The following PPP2R3B variants were observed in gnomAD, a reference collection of about 807,000 sequenced individuals.
The protein encoded by PPP2R3B is protein phosphatase 2 regulatory subunit B''beta, also known as serine/threonine-protein phosphatase 2A regulatory subunit B'' subunit beta.
In PPP2R3B, 68 loss-of-function variants were observed where a neutral mutation model predicts 72.9. The ratio of observed to expected loss-of-function variants is 0.93; its 90% CI spans 0.77 to 1.14. The LOEUF (loss-of-function observed/expected upper bound fraction) is 1.14, where lower values mean the gene tolerates loss of function less well. Among genes scored for constraint, PPP2R3B ranks in the 50% most tolerant of loss-of-function variants. The pLI is 0.00. For synonymous variants in PPP2R3B, 466 were observed against 375.8 expected (o/e 1.24, Z -2.78); for missense variants, 1,018 against 842.0 (o/e 1.21, Z -2.59).
chrX:369,315 G>A (rs1185342220), intron 1 of PPP2R3B, among the ~76,000 whole-genome samples: 3 of 152,142 alleles, frequency 2.0e-5, no homozygotes, highest in African/African-American at 4.8e-5. Context: ...TCCTCAGTAC[G>A]TGTACTTTAA....
intron 5 of PPP2R3B, 73 bp downstream of exon 5, chrX:346,613 CGCCCCGTCCGCAGAA>C (rs2071220331): frequency 7.6e-7 from 1 of 1,312,972 alleles, no homozygotes; most frequent in Admixed American, 2.2e-5. Flanking sequence ...GGGCCCCGCC[CGCCCCGTCCGCAGAA>C]GCCCCGCGGC....
At chrX:376,289 G>A (rs1428336210) in intron 1 of PPP2R3B, among the ~76,000 whole-genome samples, 6 of 92,482 alleles carry the variant, frequency 6.5e-5, no homozygotes, top group African/African-American at 1.8e-4. Flanking sequence ...TGGAGCCCTC[G>A]AACCACCTCT....
chrX:334,351 G>C lies in PPP2R3B; in HGVS notation c.*16C>G, dbSNP rs372823307. The stretch of plus-strand genomic sequence containing the variant: ...ACGTGGGGAGCGGCCCCGCGGCGGC[G>C]TTCTCGCGGGCGGCGTCACAGCGGC... On this transcript the variant is annotated 3_prime_UTR_variant, in exon 13 of 13. Coordinates refer to ENST00000390665, the MANE Select transcript of PPP2R3B (RefSeq NM_013239.5). The C allele has an allele frequency of 2.7e-6, 4 of 1,464,182 alleles. No homozygotes were observed. Among genetic ancestry groups the C allele is most frequent in the South Asian group, 1.3e-5 (1 of 74,880 alleles). The allele number at this position is 1,464,182 out of a possible 1,614,324, so 90.7% of individuals were successfully genotyped here.
Position 384,916 on chromosome X carries a change from C to T in PPP2R3B, c.324+1452G>A, listed in dbSNP as rs764363591. Among the ~76,000 whole-genome samples the T allele has an allele frequency of 4.1e-3, 523 of 128,218 alleles. 5 individuals are homozygous for T. Among genetic ancestry groups the T allele is most frequent in the African/African-American group, 0.015 (490 of 33,494 alleles). 84.1% of individuals were successfully genotyped at this position (128,218 alleles called of 152,430 possible). A position where few individuals can be genotyped will look rare whatever the true frequency, so the allele number is the denominator to read the frequency against. ...AGGAGAATCGCTTGAACCCGGGAGG[C>T]GGAGGTTGCAGTGAGCTGAGATTGC... On this transcript the variant is annotated intron_variant, in intron 1 of 12. Transcript: ENST00000390665.
chrX:341,655 G>C, intron 8 of PPP2R3B: 1 of 651,324 alleles, frequency 1.5e-6, no homozygotes, highest in Non-Finnish European at 2.7e-6. Context: ...AAGAACCCCC[G>C]ACCTGGGGCC....
At chrX:350,839 C>T (rs747480256) in intron 2 of PPP2R3B, among the ~76,000 whole-genome samples, 1 of 152,316 alleles carries the variant, frequency 6.6e-6, no homozygotes, top group East Asian at 1.9e-4. Flanking sequence ...ATCTGTCCTC[C>T]CAGAAGCACA....
At position 383,024 on chromosome X, in the gene PPP2R3B, A is replaced by G. The variant is rs747250595; in HGVS notation, c.324+3344T>C. ...TAAGGTGCTTCAGGTTTTGCAGCTCACTGGGAAAGTGCACTGGGCCGGAGC... is the reference window on the plus strand; with the variant it reads ...TAAGGTGCTTCAGGTTTTGCAGCTCGCTGGGAAAGTGCACTGGGCCGGAGC... On this transcript the variant is annotated intron_variant, in intron 1 of 12. Transcript: ENST00000390665. Among the ~76,000 whole-genome samples the G allele has an allele frequency of 6.6e-5, 10 of 152,242 alleles. No homozygotes were observed. The East Asian group carries it at 1.7e-3, about 26-fold the overall frequency.
At position 381,593 on chromosome X, in the gene PPP2R3B, C is replaced by CTTTTTT. The variant is rs950950107; in HGVS notation, c.324+4769_324+4774dup. On this transcript the variant is annotated intron_variant, in intron 1 of 12. Coordinates refer to ENST00000390665, the MANE Select transcript of PPP2R3B (RefSeq NM_013239.5). Reference sequence around the variant, plus strand: ...ATGGGATGGACAGGAACAAGCTCATCTTTTTTTTTTTTTTTTTTTTTTTGA... The same window carrying CTTTTTT: ...ATGGGATGGACAGGAACAAGCTCATCTTTTTTTTTTTTTTTTTTTTTTTTTTTTTGA... Among the ~76,000 whole-genome samples the CTTTTTT allele has an allele frequency of 5.9e-3, 563 of 95,054 alleles. 20 individuals carry two copies. The highest frequency in any genetic ancestry group is 0.023 in the African/African-American group (539 of 23,490). The allele number at this position is 95,054 out of a possible 152,430, so 62.4% of individuals were successfully genotyped here.
chrX:363,382 G>GCATCTCCCCAAGCCCGCAATCCCACAA lies in PPP2R3B; in HGVS notation c.325-1793_325-1792insTTGTGGGATTGCGGGCTTGGGGAGATG, dbSNP rs1569403703. ...ATCTCTCCGAGCCCACCATCCCACA[G>GCATCTCCCCAAGCCCGCAATCCCACAA]TGCATCTCCCCGAGCCCGCAATCCC... On this transcript the variant is annotated intron_variant, in intron 1 of 12. Transcript: ENST00000390665. Among the ~76,000 whole-genome samples, 22 of 3,246 alleles carry GCATCTCCCCAAGCCCGCAATCCCACAA rather than the reference G, an allele frequency of 6.8e-3. 2 individuals carry two copies. The highest frequency in any genetic ancestry group is 0.01 in the African/African-American group (19 of 1,898). The allele number at this position is 3,246 out of a possible 152,430, so 2.1% of individuals were successfully genotyped here.
At chrX:352,389 C>T (rs984321325) in intron 2 of PPP2R3B, among the ~76,000 whole-genome samples, 24 of 152,366 alleles carry the variant, frequency 1.6e-4, no homozygotes, top group Admixed American at 2.6e-4. Flanking sequence ...GCTACGGCGA[C>T]GGCCCCCAGG....
intron 2 of PPP2R3B, among the ~76,000 whole-genome samples, chrX:358,143 C>T (rs2071472425): frequency 6.6e-6 from 1 of 152,222 alleles, no homozygotes; most frequent in Admixed American, 6.5e-5. Flanking sequence ...ACTCGTTCGT[C>T]CCCTGGGCCG....
intron 2 of PPP2R3B, among the ~76,000 whole-genome samples, chrX:356,609 A>T (rs1350785481): frequency 6.6e-6 from 1 of 152,194 alleles, no homozygotes; most frequent in Non-Finnish European, 1.5e-5. Context: ...CCTCAGGAAA[A>T]TGCAAGCATG....
At chrX:352,939 G>A (rs998994264) in intron 2 of PPP2R3B, among the ~76,000 whole-genome samples, 1 of 151,414 alleles carries the variant, frequency 6.6e-6, no homozygotes, top group Non-Finnish European at 1.5e-5. Flanking sequence ...GTGGCTCGGA[G>A]CCCCCACCCA....
rs149703434 is a variant in PPP2R3B, at chrX:363,739, G to A, written c.325-2149C>T. Among the ~76,000 whole-genome samples, 280 of 128,380 alleles carry A rather than the reference G, an allele frequency of 2.2e-3. 2 individuals carry two copies. The East Asian group carries it at 0.057, about 26-fold the overall frequency. The allele number at this position is 128,380 out of a possible 152,430, so 84.2% of individuals were successfully genotyped here. A position where few individuals can be genotyped will look rare whatever the true frequency, so the allele number is the denominator to read the frequency against. On this transcript the variant is annotated intron_variant, in intron 1 of 12. Transcript: ENST00000390665. ...GCCCACAACGCATTCCCGCAGCGGCGCCTTCCCGTCTCTCGCTGTGGGGGT... is the reference window on the plus strand; with the variant it reads ...GCCCACAACGCATTCCCGCAGCGGCACCTTCCCGTCTCTCGCTGTGGGGGT...
intron 1 of PPP2R3B, among the ~76,000 whole-genome samples, chrX:383,466 G>C (rs376209299): frequency 6.6e-6 from 1 of 152,226 alleles, no homozygotes; most frequent in African/African-American, 2.4e-5. Flanking sequence ...CCAGCCATAC[G>C]TGTTTCTATA....
At chrX:367,984 C>G (rs1051117790) in intron 1 of PPP2R3B, among the ~76,000 whole-genome samples, 7 of 152,252 alleles carry the variant, frequency 4.6e-5, no homozygotes, top group African/African-American at 1.7e-4. Context: ...AGAGGTCAGT[C>G]AGGGGAAGAC....
intron 1 of PPP2R3B, among the ~76,000 whole-genome samples, chrX:378,689 G>A (rs2072051376): frequency 1.3e-5 from 2 of 152,006 alleles, no homozygotes; most frequent in Admixed American, 6.6e-5. Flanking sequence ...AGAAGGGGAG[G>A]GAGGGATGAA....
intron 7 of PPP2R3B, chrX:345,110 A>C (rs753126572): frequency 2.1e-6 from 1 of 478,526 alleles, no homozygotes; most frequent in South Asian, 1.5e-5. Flanking sequence ...CTGGGGCTCC[A>C]CCTAGCCCGG....
chrX:351,027 ACTGCAGAGGGGG>A (rs963893240), intron 2 of PPP2R3B, among the ~76,000 whole-genome samples: 1 of 151,840 alleles, frequency 6.6e-6, no homozygotes, highest in Admixed American at 6.6e-5. Context: ...GGCGTGGGGG[ACTGCAGAGGGGG>A]CTGCGCGCCA....
Sources: gnomAD v4.1 joint callset for allele counts (sites outside exome capture counted in the v4.1 genomes callset) on GRCh38, gnomAD v4.1.1 for gene constraint, MANE v1.5 for transcripts, NCBI Gene and HGNC (gene_info 2026-07-23, HGNC 2026-07-21) for gene names.